RAB8A: variants seen among roughly 807,000 people sequenced by gnomAD.
The protein encoded by RAB8A is ras-related protein Rab-8A.
RAB8A carries 5 observed loss-of-function variants against 29.2 expected under a neutral mutation model. The ratio of observed to expected loss-of-function variants is 0.17; its 90% CI spans 0.09 to 0.36. The LOEUF (loss-of-function observed/expected upper bound fraction) is 0.36, where lower values mean the gene tolerates loss of function less well. Ranked by LOEUF, RAB8A falls within the 10% of genes least tolerant of loss-of-function variation. The pLI is 1.00. For missense variants in RAB8A, 171 were observed against 272.2 expected (o/e 0.63, Z 2.62); for synonymous variants, 108 against 99.9 (o/e 1.08, Z -0.49).
At chr19:16,116,352 G>A (rs1376857162) in intron 1 of RAB8A, among the ~76,000 whole-genome samples, 1 of 152,100 alleles carries the variant, frequency 6.6e-6, no homozygotes, top group Non-Finnish European at 1.5e-5. Flanking sequence ...CACTTTATTC[G>A]AGGGAAGTGG....
intron 1 of RAB8A, among the ~76,000 whole-genome samples, chr19:16,116,789 T>TGCACTCCAGGCTAGCCAAGATC (rs2090847594): frequency 1.3e-5 from 2 of 150,816 alleles, no homozygotes; most frequent in Non-Finnish European, 3.0e-5. Flanking sequence ...GAGCCAAGAT[T>TGCACTCCAGGCTAGCCAAGATC]GCACCACTGC....
intron 7 of RAB8A, among the ~76,000 whole-genome samples, chr19:16,130,072 T>C (rs2090918574): frequency 6.6e-6 from 1 of 151,814 alleles, no homozygotes; most frequent in Non-Finnish European, 1.5e-5. Context: ...TCTGCAACCT[T>C]CATTGTGTCC....
intron 2 of RAB8A, 141 bp downstream of exon 2, chr19:16,118,427 G>A (rs1674155952): frequency 1.4e-6 from 1 of 733,728 alleles, no homozygotes; most frequent in Non-Finnish European, 2.2e-6. Context: ...GCTTTCTCCA[G>A]AAGCTCCTGG....
At chr19:16,118,636 C>T (rs1384925934) in intron 2 of RAB8A, among the ~76,000 whole-genome samples, 1 of 152,212 alleles carries the variant, frequency 6.6e-6, no homozygotes, top group Non-Finnish European at 1.5e-5. Context: ...GTGACGCCTG[C>T]AGGGACTGTG....
chr19:16,134,055 A>C lies in RAB8A; in HGVS notation c.*1751A>C, dbSNP rs2090942952. 1 of 152,374 alleles carries C rather than the reference A, an allele frequency of 6.6e-6. No homozygotes were observed. Among genetic ancestry groups the C allele is most frequent in the Admixed American group, 6.5e-5 (1 of 15,280 alleles). 9.4% of individuals were successfully genotyped at this position (152,374 alleles called of 1,614,324 possible). On this transcript the variant is annotated 3_prime_UTR_variant, in exon 8 of 8. Coordinates refer to ENST00000300935, the MANE Select transcript of RAB8A (RefSeq NM_005370.5). ...CCTTCCCAAGACCACACCCAGGTCC[A>C]GTCATTCCCTAGGACTTGGCAGAGA...
chr19:16,129,825 C>T (rs2090917561), intron 7 of RAB8A, among the ~76,000 whole-genome samples: 1 of 152,336 alleles, frequency 6.6e-6, no homozygotes, highest in Non-Finnish European at 1.5e-5. Context: ...AGGCCGTGCC[C>T]GGTGAATCCC....
intron 1 of RAB8A, among the ~76,000 whole-genome samples, chr19:16,114,360 TCC>T (rs2144982464): frequency 6.8e-6 from 1 of 146,876 alleles, no homozygotes; most frequent in Admixed American, 7.1e-5. Flanking sequence ...TTCCCAGCCT[TCC>T]CCACAAACCC....
At chr19:16,115,785 G>A (rs1287930402) in intron 1 of RAB8A, among the ~76,000 whole-genome samples, 1 of 152,188 alleles carries the variant, frequency 6.6e-6, no homozygotes, top group Admixed American at 6.5e-5. Flanking sequence ...GGTAATAGCA[G>A]TGGATGAGAC....
At chr19:16,114,236 C>A (rs1255656456) in intron 1 of RAB8A, among the ~76,000 whole-genome samples, 2 of 151,636 alleles carry the variant, frequency 1.3e-5, no homozygotes, top group African/African-American at 4.8e-5. Context: ...TCACTGCACT[C>A]CAGCCTGGGC....
intron 3 of RAB8A, chr19:16,124,991 GGTCAGGACTTCC>G: frequency 2.8e-3 from 596 of 209,748 alleles, no homozygotes; most frequent in South Asian, 0.012. Context: ...GTGGATGTCG[GGTCAGGACTTCC>G]TGGGCTCAGT....
rs748183672 is a variant in RAB8A, at chr19:16,129,568, C to T, written c.495C>T (p.Leu165=). ...TTATTCCACAGGCATTTTTCACTCT[C>T]GCCAGAGATATCAAAGCAAAAATGG... ...NINVENAFFT[L]ARDIKAKMDK... The change falls in exon 7 of 8, where the codon CTC becomes CTT. Residue 165 remains leucine, a synonymous_variant. Transcript: ENST00000300935. 40 of 1,613,964 alleles carry T rather than the reference C, an allele frequency of 2.5e-5. No homozygotes were observed. Among genetic ancestry groups the T allele is most frequent in the East Asian group, 4.5e-5 (2 of 44,900 alleles).
intron 2 of RAB8A, among the ~76,000 whole-genome samples, chr19:16,118,814 G>T (rs1239591168): frequency 6.6e-6 from 1 of 152,216 alleles, no homozygotes. Context: ...CCCATGTTGA[G>T]ACCTGTTTCC....
intron 7 of RAB8A, among the ~76,000 whole-genome samples, chr19:16,130,153 CTT>C (rs75161148): frequency 4.7e-5 from 7 of 147,450 alleles, no homozygotes; most frequent in Admixed American, 1.3e-4. Flanking sequence ...TCGTTTCTTG[CTT>C]TTTTTTTTTT....
At chr19:16,120,603 G>T (rs980001495) in intron 2 of RAB8A, among the ~76,000 whole-genome samples, 1 of 142,326 alleles carries the variant, frequency 7.0e-6, no homozygotes, top group East Asian at 2.0e-4. Context: ...GAGCCAACAC[G>T]CCTGGCTTTT....
intron 1 of RAB8A, among the ~76,000 whole-genome samples, chr19:16,114,072 A>T (rs2090835257): frequency 6.6e-6 from 1 of 152,112 alleles, no homozygotes; most frequent in Non-Finnish European, 1.5e-5. Flanking sequence ...GCGTTAATTC[A>T]GCCTGGGCAA....
rs140872995 is a variant in RAB8A, at chr19:16,113,018, C to T, written c.124+993C>T. ...CCTATCAAAGGGCCCAAGACTCCAG[C>T]TGTCACTTTAGAACAGCTTTTCCTG... On this transcript the variant is annotated intron_variant, in intron 1 of 7. Transcript: ENST00000300935. Among the ~76,000 whole-genome samples the T allele has an allele frequency of 1.5e-3, 235 of 152,346 alleles. 1 individual carries two copies. Among genetic ancestry groups the T allele is most frequent in the African/African-American group, 5.2e-3 (215 of 41,588 alleles).
chr19:16,115,647 C>G lies in RAB8A; in HGVS notation c.125-2579C>G, dbSNP rs549078161. The stretch of plus-strand genomic sequence containing the variant: ...TCCAGCCATATTTTGCCAGTGTCTT[C>G]TGTGGGCCAGGCAGCCATTTTGGCA... On this transcript the variant is annotated intron_variant, in intron 1 of 7. Coordinates refer to ENST00000300935, the MANE Select transcript of RAB8A (RefSeq NM_005370.5). 2.6e-5 allele frequency among the ~76,000 whole-genome samples: 4 copies of G among 152,350 alleles called. No individual in the cohort carries two copies. In the South Asian group the frequency reaches 8.3e-4, roughly 32 times the overall value.
Position 16,125,190 on chromosome 19 carries a change from C to T in RAB8A, c.247-280C>T, listed in dbSNP as rs370022845. ...GAGGGGAGCCAGCCGGGCTTGTCAG[C>T]GAGTGCGTGGCAGGGGCTGGCCTGT... is the stretch of plus-strand genomic sequence containing the variant. On this transcript the variant is annotated intron_variant, in intron 3 of 7. Transcript: ENST00000300935. The surrounding 1 kb of genome is among the most constrained non-coding windows in gnomAD (Gnocchi z 5.0). 1.1e-3 allele frequency: 594 copies of T among 520,798 alleles called. 2 individuals are homozygous for T. The highest frequency in any genetic ancestry group is 9.3e-3 in the African/African-American group (487 of 52,380). 32.3% of individuals were successfully genotyped at this position (520,798 alleles called of 1,614,324 possible).
In RAB8A at chr19:16,132,080, G is replaced by T; in HGVS notation, c.532-132G>T. Reference sequence around the variant, plus strand: ...GCTGGTTTGATTGGTTTGGTTGTTTGGTTGGTTGGTTGGTTGGTTGGTTGG... The same window carrying T: ...GCTGGTTTGATTGGTTTGGTTGTTTTGTTGGTTGGTTGGTTGGTTGGTTGG... On this transcript the variant is annotated intron_variant, in intron 7 of 7. Coordinates refer to ENST00000300935, the MANE Select transcript of RAB8A (RefSeq NM_005370.5). The surrounding 1 kb of genome is among the most constrained non-coding windows in gnomAD (Gnocchi z 5.6). 1.4e-6 allele frequency: 1 copy of T among 691,204 alleles called. No homozygotes were observed. The highest frequency in any genetic ancestry group is 2.5e-6 in the Non-Finnish European group (1 of 397,000). The allele number at this position is 691,204 out of a possible 1,614,324, so 42.8% of individuals were successfully genotyped here.
Sources: allele counts gnomAD v4.1 joint callset (sites outside exome capture counted in the v4.1 genomes callset), GRCh38; gene constraint gnomAD v4.1.1; non-coding constraint Gnocchi (gnomAD v3.1); transcripts MANE v1.5; gene names NCBI Gene and HGNC (gene_info 2026-07-23, HGNC 2026-07-21).